CSMD1: variants seen among roughly 807,000 people sequenced by gnomAD.
The protein encoded by CSMD1 is CUB and sushi domain-containing protein 1.
In CSMD1, 213 loss-of-function variants were observed where a neutral mutation model predicts 417.5. The ratio of observed to expected loss-of-function variants is 0.51; its 90% CI spans 0.46 to 0.57. The LOEUF (loss-of-function observed/expected upper bound fraction) is 0.57, where lower values mean the gene tolerates loss of function less well. Among genes scored for constraint, CSMD1 ranks in the 20% least tolerant of loss-of-function variants. The pLI, the probability that CSMD1 is intolerant of heterozygous loss-of-function variation, is 0.00. For missense variants in CSMD1, 6,923 were observed against 4,529.7 expected, an observed-to-expected ratio of 1.53 and a Z score of -15.17; for synonymous variants, 2,862 against 1,736.8, an observed-to-expected ratio of 1.65 and a Z score of -16.11.
At chr8:3,101,325 T>C (rs774207638) in intron 46 of CSMD1, among the ~76,000 whole-genome samples, 3 of 152,242 alleles carry the variant, frequency 2.0e-5, no homozygotes, top group Non-Finnish European at 4.4e-5. Context: ...GAAATGCCTC[T>C]CTTTCCTTAA....
chr8:3,403,579 C>G (rs1423257999), intron 15 of CSMD1, among the ~76,000 whole-genome samples: 1 of 152,140 alleles, frequency 6.6e-6, no homozygotes, highest in Non-Finnish European at 1.5e-5. Flanking sequence ...CCACACTCAC[C>G]CTGCAGGTTG....
chr8:3,542,796 C>T (rs557248123), intron 10 of CSMD1, among the ~76,000 whole-genome samples: 2 of 152,184 alleles, frequency 1.3e-5, no homozygotes, highest in African/African-American at 4.8e-5. Context: ...GACAGGATAT[C>T]CTTCGATGCT....
chr8:4,572,109 C>T (rs928025010), intron 2 of CSMD1, among the ~76,000 whole-genome samples: 1 of 152,086 alleles, frequency 6.6e-6, no homozygotes, highest in African/African-American at 2.4e-5. Flanking sequence ...GCATTTAGCC[C>T]ATTTAAATTT....
chr8:3,672,112 G>A (rs73183308), intron 7 of CSMD1, among the ~76,000 whole-genome samples: 23,776 of 152,054 alleles, frequency 0.16, 2,074 homozygotes, highest in South Asian at 0.22. Context: ...CAGCGTTCAA[G>A]GTTAGGTGCT....
At chr8:4,231,371 T>A (rs1010346135) in intron 3 of CSMD1, among the ~76,000 whole-genome samples, 1 of 152,158 alleles carries the variant, frequency 6.6e-6, no homozygotes, top group Non-Finnish European at 1.5e-5. Context: ...ATAATTTTCC[T>A]CCTCTGAGAG....
At chr8:3,364,195 T>C (rs968115498) in intron 20 of CSMD1, among the ~76,000 whole-genome samples, 3 of 152,094 alleles carry the variant, frequency 2.0e-5, no homozygotes, top group Non-Finnish European at 4.4e-5. Context: ...TCACTGGCAA[T>C]TGTTTGCAGC....
At chr8:4,465,120 T>C (rs1800085525) in intron 2 of CSMD1, among the ~76,000 whole-genome samples, 1 of 152,166 alleles carries the variant, frequency 6.6e-6, no homozygotes, top group East Asian at 1.9e-4. Context: ...CAGTTAATTT[T>C]CCCATCTAAG....
chr8:3,438,050 T>A (rs1472683062), intron 12 of CSMD1, among the ~76,000 whole-genome samples: 1 of 152,226 alleles, frequency 6.6e-6, no homozygotes, highest in Non-Finnish European at 1.5e-5. Flanking sequence ...CAAATAAGAA[T>A]TAAGTATCCA....
At chr8:4,172,548 G>C (rs947344937) in intron 3 of CSMD1, among the ~76,000 whole-genome samples, 4 of 151,988 alleles carry the variant, frequency 2.6e-5, no homozygotes, top group African/African-American at 9.7e-5. Context: ...GCTTGCAGTG[G>C]AAAGTGAGGC....
intron 1 of CSMD1, among the ~76,000 whole-genome samples, chr8:4,875,035 C>A (rs1802962819): frequency 6.6e-6 from 1 of 151,534 alleles, no homozygotes; most frequent in Non-Finnish European, 1.5e-5. Flanking sequence ...CTTCTCTCTC[C>A]CTCTCTGTCT....
chr8:3,062,947 G>T (rs1035271971), intron 49 of CSMD1, among the ~76,000 whole-genome samples: 1 of 152,028 alleles, frequency 6.6e-6, no homozygotes, highest in African/African-American at 2.4e-5. Flanking sequence ...ATAAAACAAA[G>T]ATTTATTCAA....
chr8:3,721,152 AG>A (rs1802145598), intron 6 of CSMD1, among the ~76,000 whole-genome samples: 7 of 152,130 alleles, frequency 4.6e-5, no homozygotes, highest in African/African-American at 1.7e-4. Flanking sequence ...TGGGAAGATC[AG>A]GTGGTCCTGA....
chr8:3,273,094 G>T (rs1431949665), intron 26 of CSMD1, among the ~76,000 whole-genome samples: 1 of 152,042 alleles, frequency 6.6e-6, no homozygotes, highest in Non-Finnish European at 1.5e-5. Context: ...TTATTATTTT[G>T]AGATACGTCC....
intron 10 of CSMD1, among the ~76,000 whole-genome samples, chr8:3,536,578 T>C (rs578171263): frequency 4.6e-5 from 7 of 152,304 alleles, no homozygotes; most frequent in Non-Finnish European, 8.8e-5. Context: ...CAGTACTTGG[T>C]AGTCACTGTC....
At chr8:4,739,822 C>T (rs1042067084) in intron 1 of CSMD1, among the ~76,000 whole-genome samples, 5 of 152,146 alleles carry the variant, frequency 3.3e-5, no homozygotes, top group Non-Finnish European at 7.4e-5. Context: ...CCTTTGTGAT[C>T]TTTCCATGTC....
At chr8:4,217,609 G>C (rs1344171535) in intron 3 of CSMD1, among the ~76,000 whole-genome samples, 2 of 151,180 alleles carry the variant, frequency 1.3e-5, no homozygotes, top group African/African-American at 2.4e-5. Flanking sequence ...GAACAGGCAA[G>C]TTATCTTTTG....
rs550183503 is a variant in CSMD1 at position 3,120,057 on chromosome 8, G to A, written c.6242-1470C>T. 6.6e-5 allele frequency among the ~76,000 whole-genome samples: 10 copies of A among 152,276 alleles called. No individual in the cohort carries two copies. The East Asian group carries it at 1.9e-3, about 29-fold the overall frequency. On this transcript the variant is annotated intron_variant, in intron 41 of 69. Transcript: ENST00000635120. Reference sequence around the variant, plus strand: ...AATATTGGAGTGAGCCTGTAGTTTGGAAACTTGTAAACAAATGCTGGAAAA... The same window carrying A: ...AATATTGGAGTGAGCCTGTAGTTTGAAAACTTGTAAACAAATGCTGGAAAA...
chr8:4,656,194 A>G (rs1274724075), intron 1 of CSMD1, among the ~76,000 whole-genome samples: 1 of 152,050 alleles, frequency 6.6e-6, no homozygotes, highest in African/African-American at 2.4e-5. Flanking sequence ...CTGAGGAAGG[A>G]CTATTCCAGG....
Position 4,260,618 on chromosome 8 carries a change from A to C in CSMD1, c.415+159335T>G, listed in dbSNP as rs142237124. On this transcript the variant is annotated intron_variant, in intron 3 of 69. Coordinates refer to ENST00000635120, the MANE Select transcript of CSMD1 (RefSeq NM_033225.6). ...AAAACACATATTTGTGGTTTTTAGAATTTTGATATTATTCATAAGTCCTTG... is the reference window on the plus strand; with the variant it reads ...AAAACACATATTTGTGGTTTTTAGACTTTTGATATTATTCATAAGTCCTTG... 5.8e-3 allele frequency among the ~76,000 whole-genome samples: 882 copies of C among 152,286 alleles called. 8 individuals are homozygous for C. Among genetic ancestry groups the C allele is most frequent in the African/African-American group, 0.02 (845 of 41,572 alleles).
Sources: allele counts gnomAD v4.1 joint callset (sites outside exome capture counted in the v4.1 genomes callset), GRCh38; gene constraint gnomAD v4.1.1; transcripts MANE v1.5; gene names NCBI Gene and HGNC (gene_info 2026-07-23, HGNC 2026-07-21).